Variants in GCM2 observed in about 807,000 individuals in gnomAD.
The protein encoded by GCM2 is GCM transcription factor 2, also known as chorion-specific transcription factor GCMb.
In GCM2, 21 loss-of-function variants were observed where a neutral mutation model predicts 24.8. The observed-to-expected ratio is 0.85, with a 90% CI of 0.60 to 1.22. The LOEUF is 1.22. GCM2 is among the 50% of genes most tolerant of loss of function. The probability of loss-of-function intolerance (pLI) is 0.00; values close to 1 mark genes in which losing one functional copy is unlikely to be tolerated. For synonymous variants in GCM2, 222 were observed against 238.0 expected, an observed-to-expected ratio of 0.93 and a Z score of 0.62; for missense variants, 532 against 645.6, an observed-to-expected ratio of 0.82 and a Z score of 1.91.
chr6:10,875,880 C>A lies in GCM2; in HGVS notation c.582+11G>T. On this transcript the variant is annotated intron_variant, in intron 4 of 4. Coordinates refer to ENST00000379491, the MANE Select transcript of GCM2 (RefSeq NM_004752.4). ...AGCTGAGACCACTGTGCACTATCAG[C>A]TCCCTGTTACCTCGGATTCTCGAAT... 3 of 1,613,848 alleles carry A rather than the reference C, an allele frequency of 1.9e-6. No homozygotes were observed. The highest frequency in any genetic ancestry group is 2.5e-6 in the Non-Finnish European group (3 of 1,179,824).
chr6:10,877,543 G>A, intron 1 of GCM2, 151 bp from the exon 2 acceptor site: 1 of 771,300 alleles, frequency 1.3e-6, no homozygotes, highest in Non-Finnish European at 2.2e-6. Flanking sequence ...TTCTATGTAA[G>A]ACTTCCTGAC....
rs755626612 is a variant in GCM2 at position 10,874,390 on chromosome 6, C to A, written c.1126G>T (p.Ala376Ser). Residue 376 changes from alanine to serine, a missense_variant, in exon 5 of 5, where the codon GCC (alanine) becomes TCC (serine). Coordinates refer to ENST00000379491, the MANE Select transcript of GCM2 (RefSeq NM_004752.4). ...GTGATCACGGTTTGTAGGGCAGGGG[C>A]ACCTGGTGGTGGAGTCGTGAGGTAC... ...CRYLTTPPPGAPALQTVITTT... is the reference protein window; with the variant it reads ...CRYLTTPPPGSPALQTVITTT... 2.5e-6 allele frequency: 4 copies of A among 1,614,148 alleles called. No homozygotes were observed. The highest frequency in any genetic ancestry group is 3.4e-6 in the Non-Finnish European group (4 of 1,180,024).
intron 1 of GCM2, among the ~76,000 whole-genome samples, chr6:10,881,398 T>C (rs948004163): frequency 4.9e-4 from 74 of 152,130 alleles, no homozygotes; most frequent in African/African-American, 1.6e-3. Flanking sequence ...CCTCAGATGA[T>C]CCACCCGCCT....
chr6:10,880,809 C>G (rs967034129), intron 1 of GCM2, among the ~76,000 whole-genome samples: 2 of 152,160 alleles, frequency 1.3e-5, no homozygotes, highest in African/African-American at 4.8e-5. Context: ...TATGGGGCCT[C>G]CTTCCTCTGA....
chr6:10,876,232 A>T (rs1267229181), intron 3 of GCM2, among the ~76,000 whole-genome samples: 1 of 152,184 alleles, frequency 6.6e-6, no homozygotes, highest in East Asian at 1.9e-4. Context: ...AAAGAACTAT[A>T]ACTTGGTTTA....
rs1779958627 is a variant in GCM2 at position 10,881,556 on chromosome 6, GTGTGTGTGT to G, written c.90+139_90+147del. The stretch of plus-strand genomic sequence containing the variant: ...AGAAACCCAGAAATTTTGCGGGTAT[GTGTGTGTGT>G]GTGTGTGTGTGTGTGTGTGTGTGTG... On this transcript the variant is annotated intron_variant, in intron 1 of 4. Transcript: ENST00000379491. 4.7e-3 allele frequency: 31 copies of G among 6,598 alleles called. 1 individual carries two copies. The highest frequency in any genetic ancestry group is 0.011 in the African/African-American group (28 of 2,600). The allele number at this position is 6,598 out of a possible 1,614,324, so 0.4% of individuals were successfully genotyped here.
intron 1 of GCM2, among the ~76,000 whole-genome samples, chr6:10,879,132 A>T (rs780730040): frequency 3.9e-5 from 6 of 152,336 alleles, no homozygotes. Context: ...TTTTCTCTGA[A>T]ATATTACAAT....
chr6:10,875,199 T>C (rs1423231965), intron 4 of GCM2, among the ~76,000 whole-genome samples: 1 of 152,184 alleles, frequency 6.6e-6, no homozygotes, highest in Non-Finnish European at 1.5e-5. Flanking sequence ...GGTCCTGTTC[T>C]CACCTATACT....
chr6:10,875,869 T>C (rs898633999), intron 4 of GCM2, 22 bp downstream of exon 4: 2 of 1,612,364 alleles, frequency 1.2e-6, no homozygotes, highest in South Asian at 1.1e-5. Context: ...GAGACCACTG[T>C]GCACTATCAG....
At position 10,881,607 on chromosome 6, in the gene GCM2, T is replaced by TGTGTGC. The variant is rs1491331770; in HGVS notation, c.90+96_90+97insGCACAC. 8.2e-6 allele frequency: 5 copies of TGTGTGC among 613,052 alleles called. No homozygotes were observed. In the African/African-American group the frequency reaches 1.1e-4, roughly 14 times the overall value. The allele number at this position is 613,052 out of a possible 1,614,324, so 38.0% of individuals were successfully genotyped here. On this transcript the variant is annotated intron_variant, in intron 1 of 4. Transcript: ENST00000379491. ...GTGTGTGTGTGTGTGTGTGTGTGTG[T>TGTGTGC]ATGGTCCGTCCGCAGACTCTTCAAG...
At chr6:10,879,470 G>A (rs1779928784) in intron 1 of GCM2, among the ~76,000 whole-genome samples, 1 of 152,162 alleles carries the variant, frequency 6.6e-6, no homozygotes, top group Non-Finnish European at 1.5e-5. Context: ...GGCATGTTGT[G>A]TGTGTGTGTA....
intron 1 of GCM2, among the ~76,000 whole-genome samples, chr6:10,880,278 A>G (rs1235772950): frequency 7.1e-6 from 1 of 140,576 alleles, no homozygotes; most frequent in Non-Finnish European, 1.5e-5. Context: ...AACAACAACA[A>G]AAAACCCCAA....
In GCM2 at chr6:10,874,032, A is replaced by G. The variant is rs115181672; in HGVS notation, c.1484T>C (p.Val495Ala). The change falls in exon 5 of 5, where the codon GTG (valine) becomes GCG (alanine). Residue 495 changes from valine to alanine, a missense_variant. By Grantham distance (64) the Val-to-Ala change is moderately conservative. Coordinates refer to ENST00000379491, the MANE Select transcript of GCM2 (RefSeq NM_004752.4). The part of the protein sequence containing the change: ...LGSAVSYSDR[V>A]GPFFTYNNED... ...ATTGTTGTAGGTAAAGAAGGGACCC[A>G]CTCTGTCTGAGTAACTGACTGCGGA... 58 of 1,614,108 alleles carry G rather than the reference A, an allele frequency of 3.6e-5. No individual in the cohort carries two copies. The African/African-American group carries it at 6.8e-4, about 19-fold the overall frequency.
In GCM2 at chr6:10,874,695, C is replaced by T. The variant is rs1274105644; in HGVS notation, c.821G>A (p.Ser274Asn). 4 of 1,613,952 alleles carry T rather than the reference C, an allele frequency of 2.5e-6. No individual in the cohort carries two copies. The highest frequency in any genetic ancestry group is 3.4e-6 in the Non-Finnish European group (4 of 1,179,976). The change falls in exon 5 of 5, where the codon AGC becomes AAC. Residue 274 changes from serine (S) to asparagine (N), a missense_variant. By Grantham distance (46) the Ser-to-Asn change is conservative (BLOSUM62 1). Coordinates refer to ENST00000379491, the MANE Select transcript of GCM2 (RefSeq NM_004752.4). ...PRIYLPRPPC[S>N]YELANPGYTN... ...ATAACCAGGGTTTGCCAATTCATAG[C>T]TGCAAGGTGGCCTAGGCAAATAGAT... is the stretch of plus-strand genomic sequence containing the variant.
intron 2 of GCM2, among the ~76,000 whole-genome samples, chr6:10,876,911 A>G (rs1779889127): frequency 6.6e-6 from 1 of 152,128 alleles, no homozygotes; most frequent in South Asian, 2.1e-4. Context: ...TAAAAATGCA[A>G]AATTAGCCGG....
intron 2 of GCM2, among the ~76,000 whole-genome samples, chr6:10,876,932 G>A (rs755139077): frequency 5.3e-5 from 8 of 152,090 alleles, no homozygotes; most frequent in Non-Finnish European, 8.8e-5. Context: ...GCGTGGTGGC[G>A]CATGCCTGTA....
rs1269616036 is a variant in GCM2 at position 10,874,154 on chromosome 6, G to A, written c.1362C>T (p.Cys454=). Residue 454 remains cysteine, a synonymous_variant, in exon 5 of 5, where the codon TGC becomes TGT. Coordinates refer to ENST00000379491, the MANE Select transcript of GCM2 (RefSeq NM_004752.4). ...TAGCCACAGTGGGTCTGATGGCCCG[G>A]CAATCTCCTGCAATTTTCATAGGAG... ...GPPPMKIAGD[C]RAIRPTVAIP... 6.2e-7 allele frequency: 1 copy of A among 1,614,150 alleles called. No homozygotes were observed. Among genetic ancestry groups the A allele is most frequent in the East Asian group, 2.2e-5 (1 of 44,884 alleles).
At chr6:10,879,043 A>C (rs1317957496) in intron 1 of GCM2, among the ~76,000 whole-genome samples, 2 of 152,242 alleles carry the variant, frequency 1.3e-5, no homozygotes, top group Non-Finnish European at 2.9e-5. Context: ...TAACAGTAAT[A>C]AGGTTAATGG....
Position 10,877,341 on chromosome 6 carries a change from A to G in GCM2, c.142T>C (p.Phe48Leu). The G allele has an allele frequency of 6.2e-7, 1 of 1,614,186 alleles. No individual in the cohort carries two copies. The highest frequency in any genetic ancestry group is 8.5e-7 in the Non-Finnish European group (1 of 1,180,024). ...FREWPDGYVRFIYSSDEKKAQ... is the reference protein window; with the variant it reads ...FREWPDGYVRLIYSSDEKKAQ... ...TTCTTCTCATCGCTGCTGTAGATGA[A>G]GCGCACATAGCCGTCAGGCCACTCT... The change falls in exon 2 of 5, where the codon TTC (phenylalanine) becomes CTC (leucine). Residue 48 changes from phenylalanine (F) to leucine (L), a missense_variant. This residue lies in a region of GCM2 where 96 missense variants were observed against 103.5 expected (regional missense o/e 0.93). Transcript: ENST00000379491.
Sources: allele counts gnomAD v4.1 joint callset (sites outside exome capture counted in the v4.1 genomes callset), GRCh38; gene constraint gnomAD v4.1.1; regional missense constraint gnomAD v4.1.1; transcripts MANE v1.5; gene names NCBI Gene and HGNC (gene_info 2026-07-23, HGNC 2026-07-21).